The following TMC1 variants were observed in gnomAD, a reference collection of about 807,000 sequenced individuals.
The protein encoded by TMC1 is transmembrane channel like 1, also known as transmembrane channel-like protein 1.
TMC1 carries 84 observed loss-of-function variants against 105.8 expected under a neutral mutation model. The ratio of observed to expected loss-of-function variants is 0.79; its 90% CI spans 0.67 to 0.95. The LOEUF (loss-of-function observed/expected upper bound fraction) is 0.95, where lower values mean the gene tolerates loss of function less well. Among genes scored for constraint, TMC1 ranks in the 40% least tolerant of loss-of-function variants. TMC1 has a pLI of 0.00. For synonymous variants in TMC1, 315 were observed against 311.5 expected (o/e 1.01, Z -0.12); for missense variants, 817 against 914.1 (o/e 0.89, Z 1.37).
Position 72,740,116 on chromosome 9 carries a change from CAGGG to C in TMC1, c.364_367del (p.Glu122GlnfsTer5), listed in dbSNP as rs776267308. On this transcript the variant is annotated splice_acceptor_variant and coding_sequence_variant, in exon 9 of 24. Transcript: ENST00000297784. LOFTEE classifies it high-confidence loss of function. ...ATCCCTTATGTTATTTTTATTTTCT[CAGGG>C]AGGCAAAAAAATTTGTGAGTGAAAA... 6.2e-7 allele frequency: 1 copy of C among 1,612,606 alleles called. No homozygotes were observed. Among genetic ancestry groups the C allele is most frequent in the Non-Finnish European group, 8.5e-7 (1 of 1,178,940 alleles).
intron 17 of TMC1, among the ~76,000 whole-genome samples, chr9:72,797,796 A>AC (rs1828397994): frequency 6.6e-6 from 1 of 152,194 alleles, no homozygotes; most frequent in Non-Finnish European, 1.5e-5. Flanking sequence ...ATCATTCAGG[A>AC]CATAGGCACA....
Position 72,788,331 on chromosome 9 carries a change from T to G in TMC1, c.885-8T>G. On this transcript the variant is annotated splice_region_variant and splice_polypyrimidine_tract_variant and intron_variant, in intron 13 of 23. Transcript: ENST00000297784. ...CTGGCTGCTGGGTTAAACTTCCTGT[T>G]TTTGCAGAATGACCAAAAACATTGG... is the stretch of plus-strand genomic sequence containing the variant. 1 of 1,614,004 alleles carries G rather than the reference T, an allele frequency of 6.2e-7. No homozygotes were observed.
chr9:72,813,000 C>T (rs1828729419), intron 18 of TMC1, among the ~76,000 whole-genome samples: 1 of 152,126 alleles, frequency 6.6e-6, no homozygotes, highest in African/African-American at 2.4e-5. Context: ...ATTTCCAATC[C>T]CTCAACTATG....
intron 8 of TMC1, among the ~76,000 whole-genome samples, chr9:72,731,743 A>G (rs559165459): frequency 4.1e-4 from 62 of 152,282 alleles, no homozygotes; most frequent in Non-Finnish European, 7.3e-4. Flanking sequence ...TTCATTGTCT[A>G]TCTGAAGACC....
intron 1 of TMC1, among the ~76,000 whole-genome samples, chr9:72,533,175 C>T (rs1249601265): frequency 6.6e-6 from 1 of 152,206 alleles, no homozygotes; most frequent in Non-Finnish European, 1.5e-5. Flanking sequence ...TCTCTTCTTG[C>T]TTTGCCTATG....
chr9:72,552,933 C>T (rs1823880007), intron 1 of TMC1, among the ~76,000 whole-genome samples: 1 of 151,960 alleles, frequency 6.6e-6, no homozygotes, highest in Non-Finnish European at 1.5e-5. Flanking sequence ...ACACACGATT[C>T]TCAGAATTAC....
At chr9:72,661,488 C>T (rs1193011299) in intron 5 of TMC1, among the ~76,000 whole-genome samples, 1 of 152,210 alleles carries the variant, frequency 6.6e-6, no homozygotes, top group East Asian at 1.9e-4. Context: ...CTTATCATCA[C>T]TCTGCTCATT....
chr9:72,610,180 C>T (rs113849364), intron 2 of TMC1, among the ~76,000 whole-genome samples: 4 of 152,186 alleles, frequency 2.6e-5, no homozygotes, highest in South Asian at 2.1e-4. Flanking sequence ...AAGTATTACA[C>T]CCTGTTAGAG....
chr9:72,601,397 A>C (rs747660784), intron 2 of TMC1, among the ~76,000 whole-genome samples: 6 of 151,998 alleles, frequency 3.9e-5, no homozygotes, highest in Non-Finnish European at 8.8e-5. Flanking sequence ...TAGTCCCAGC[A>C]CTTTGGGAGG....
At chr9:72,570,261 GTGT>G (rs1824253152) in intron 1 of TMC1, among the ~76,000 whole-genome samples, 2 of 138,684 alleles carry the variant, frequency 1.4e-5, no homozygotes, top group African/African-American at 5.6e-5. Flanking sequence ...GTGTGTGTGT[GTGT>G]GGTAAATACT....
chr9:72,795,241 T>A (rs751951289), intron 17 of TMC1, among the ~76,000 whole-genome samples: 6 of 152,172 alleles, frequency 3.9e-5, no homozygotes, highest in Non-Finnish European at 8.8e-5. Context: ...CCAACCTTAC[T>A]AGAGAGGCAA....
intron 4 of TMC1, among the ~76,000 whole-genome samples, chr9:72,630,514 G>C (rs1311944956): frequency 6.6e-6 from 1 of 152,130 alleles, no homozygotes; most frequent in Non-Finnish European, 1.5e-5. Flanking sequence ...TTTCTTCAAT[G>C]ATGAGTTGTA....
intron 2 of TMC1, among the ~76,000 whole-genome samples, chr9:72,604,551 G>T (rs1284204335): frequency 6.6e-6 from 1 of 152,058 alleles, no homozygotes; most frequent in African/African-American, 2.4e-5. Context: ...CCACCATCCG[G>T]CATGTTATAT....
chr9:72,609,179 C>CCCTCCCTTCCTTCCTT (rs1461633849), intron 2 of TMC1, among the ~76,000 whole-genome samples: 16 of 136,166 alleles, frequency 1.2e-4, no homozygotes, highest in South Asian at 8.2e-4. Flanking sequence ...CTTCCTCCTT[C>CCCTCCCTTCCTTCCTT]CCTTCCTTCC....
rs575997087 is a variant in TMC1, at chr9:72,628,058, G to A, written c.-58G>A. On this transcript the variant is annotated 5_prime_UTR_variant, in exon 4 of 24. Coordinates refer to ENST00000297784, the MANE Select transcript of TMC1 (RefSeq NM_138691.3). ...GGTGAATGCTTAAGGAGCTGCAGAA[G>A]GGAAGGTAGTGAGGAGACAGTTAAA... 2.2e-6 allele frequency: 1 copy of A among 455,770 alleles called. No individual in the cohort carries two copies. Among genetic ancestry groups the A allele is most frequent in the Admixed American group, 2.3e-5 (1 of 42,562 alleles). The allele number at this position is 455,770 out of a possible 1,614,324, so 28.2% of individuals were successfully genotyped here. A position where few individuals can be genotyped will look rare whatever the true frequency, so the allele number is the denominator to read the frequency against.
chr9:72,802,202 G>A (rs1306336525), intron 17 of TMC1, among the ~76,000 whole-genome samples: 2 of 151,960 alleles, frequency 1.3e-5, no homozygotes, highest in African/African-American at 2.4e-5. Flanking sequence ...AGGTCAGCCT[G>A]GGCAACATAG....
At chr9:72,775,266 T>C (rs76632952) in intron 13 of TMC1, among the ~76,000 whole-genome samples, 2 of 150,266 alleles carry the variant, frequency 1.3e-5, no homozygotes, top group African/African-American at 2.5e-5. Flanking sequence ...TTTTTTTTTT[T>C]CCTTTTCTTT....
At chr9:72,687,079 T>C (rs1814583146) in intron 5 of TMC1, among the ~76,000 whole-genome samples, 2 of 152,194 alleles carry the variant, frequency 1.3e-5, no homozygotes, top group Non-Finnish European at 2.9e-5. Context: ...CCTAAAGATT[T>C]CCTTATATTT....
chr9:72,608,816 TA>T (rs1229727368), intron 2 of TMC1, among the ~76,000 whole-genome samples: 1 of 152,190 alleles, frequency 6.6e-6, no homozygotes, highest in Non-Finnish European at 1.5e-5. Context: ...AATGCAAATT[TA>T]AAGTAACTCA....
Sources: gnomAD v4.1 joint callset for allele counts (sites outside exome capture counted in the v4.1 genomes callset) on GRCh38, gnomAD v4.1.1 for gene constraint, MANE v1.5 for transcripts, NCBI Gene and HGNC (gene_info 2026-07-23, HGNC 2026-07-21) for gene names.